The following RNF10 variants were observed in gnomAD, a reference collection of about 807,000 sequenced individuals.
The protein encoded by RNF10 is E3 ubiquitin-protein ligase RNF10.
Under a neutral mutation model 91.4 loss-of-function variants are expected in RNF10, and 38 were observed. The ratio of observed to expected loss-of-function variants is 0.42; its 90% CI spans 0.32 to 0.54. The LOEUF (loss-of-function observed/expected upper bound fraction) is 0.54. Among genes scored for constraint, RNF10 ranks in the 20% least tolerant of loss-of-function variants. The pLI, the probability that RNF10 is intolerant of heterozygous loss-of-function variation, is 0.16. For missense variants in RNF10, 945 were observed against 1,012.0 expected, an observed-to-expected ratio of 0.93 and a Z score of 0.90; for synonymous variants, 364 against 366.3, an observed-to-expected ratio of 0.99 and a Z score of 0.07.
intron 1 of RNF10, chr12:120,539,477 C>T (rs1050379252): frequency 8.0e-7 from 1 of 1,252,858 alleles, no homozygotes; most frequent in Non-Finnish European, 1.0e-6. Context: ...GGGTAAGCAA[C>T]TTGCTTGTGA....
At chr12:120,554,532 C>T in intron 3 of RNF10, 186 bp from the exon 4 acceptor site, 1 of 560,698 alleles carries the variant, frequency 1.8e-6, no homozygotes, top group Non-Finnish European at 3.2e-6. Context: ...CTTCTGCCTG[C>T]TGAGTCTTTG....
intron 1 of RNF10, among the ~76,000 whole-genome samples, chr12:120,538,107 G>C (rs1042066264): frequency 6.6e-6 from 1 of 152,170 alleles, no homozygotes; most frequent in Non-Finnish European, 1.5e-5. Context: ...ACTTGATTCT[G>C]CTGGGAATCA....
In RNF10 at chr12:120,562,935, G is replaced by GC. The variant is rs761116735; in HGVS notation, c.1129-8dup. On this transcript the variant is annotated splice_polypyrimidine_tract_variant and intron_variant, in intron 7 of 16. Transcript: ENST00000325954. ...TTAACCTTCTCTGGTGTTCTCTCTG[G>GC]CCACGTTAGACTCGGGAAGAGGCTC... 1.2e-6 allele frequency: 2 copies of GC among 1,613,734 alleles called. No individual in the cohort carries two copies. The highest frequency in any genetic ancestry group is 3.3e-5 in the Admixed American group (2 of 59,996).
At position 120,567,025 on chromosome 12, in the gene RNF10, A is replaced by G. The variant is rs926166023; in HGVS notation, c.2041+45A>G. 1.0e-5 allele frequency: 16 copies of G among 1,569,978 alleles called. No homozygotes were observed. The Admixed American group carries it at 1.6e-4, about 16-fold the overall frequency. ...TGAATTCACCCATCAGTTAGACCTT[A>G]TGCAAAGCTTTGGTGTCTGAGTTTA... On this transcript the variant is annotated intron_variant, in intron 13 of 16. Transcript: ENST00000325954.
chr12:120,563,302 AAGC>A (rs1875177921), intron 8 of RNF10, 42 bp from the exon 9 acceptor site: 6 of 1,569,674 alleles, frequency 3.8e-6, no homozygotes, highest in Non-Finnish European at 4.3e-6. Context: ...TGCTTTCGGA[AAGC>A]AGGAGATATC....
chr12:120,563,242 C>T, intron 8 of RNF10, 105 bp from the exon 9 acceptor site: 3 of 1,483,046 alleles, frequency 2.0e-6, no homozygotes, highest in South Asian at 2.5e-5. Flanking sequence ...AACACGACAG[C>T]TAAGATAAAC....
chr12:120,566,355 A>G (rs1875698543), intron 12 of RNF10, among the ~76,000 whole-genome samples: 2 of 152,244 alleles, frequency 1.3e-5, no homozygotes, highest in South Asian at 4.1e-4. Flanking sequence ...GGTTAACTAT[A>G]TTAAAGACAT....
chr12:120,551,919 A>T (rs1873150061), intron 2 of RNF10, among the ~76,000 whole-genome samples: 1 of 152,152 alleles, frequency 6.6e-6, no homozygotes, highest in Admixed American at 6.6e-5. Flanking sequence ...CTGTACAGGA[A>T]ACATGGCTGG....
chr12:120,569,538 C>CTTTTTTTTTTTTTTTTTTTTT (rs58304342), intron 13 of RNF10, among the ~76,000 whole-genome samples: 4 of 115,238 alleles, frequency 3.5e-5, no homozygotes, highest in Non-Finnish European at 6.9e-5. Flanking sequence ...TGATATGCAT[C>CTTTTTTTTTTTTTTTTTTTTT]TTTTTTTTTT....
At chr12:120,573,475 A>G (rs1876958162) in intron 14 of RNF10, among the ~76,000 whole-genome samples, 1 of 152,160 alleles carries the variant, frequency 6.6e-6, no homozygotes, top group South Asian at 2.1e-4. Context: ...GACATAGGTG[A>G]CATTTTGATT....
At chr12:120,562,573 C>T (rs914497088) in intron 7 of RNF10, among the ~76,000 whole-genome samples, 8 of 152,140 alleles carry the variant, frequency 5.3e-5, no homozygotes, top group South Asian at 4.2e-4. Context: ...CACACCTGGC[C>T]GTATGTGTCT....
chr12:120,568,568 C>T lies in RNF10; in HGVS notation c.2041+1588C>T, dbSNP rs1184426116. 8.6e-5 allele frequency among the ~76,000 whole-genome samples: 13 copies of T among 150,648 alleles called. No individual in the cohort carries two copies. The East Asian group carries it at 1.4e-3, about 16-fold the overall frequency. On this transcript the variant is annotated intron_variant, in intron 13 of 16. Transcript: ENST00000325954. ...TCAGCTAACTGCAACCTCTGCCTCCCGGGTTCAAGCGATTCTTCTGCCTCA... is the reference window on the plus strand; with the variant it reads ...TCAGCTAACTGCAACCTCTGCCTCCTGGGTTCAAGCGATTCTTCTGCCTCA...
intron 14 of RNF10, among the ~76,000 whole-genome samples, chr12:120,572,191 C>T (rs1409183547): frequency 1.3e-5 from 2 of 151,910 alleles, no homozygotes; most frequent in Non-Finnish European, 2.9e-5. Flanking sequence ...CTCAGCCTCC[C>T]GAGTAGCTGG....
chr12:120,576,570 C>T lies in RNF10; in HGVS notation c.2360-20C>T, dbSNP rs76740462. 6.2e-7 allele frequency: 1 copy of T among 1,611,542 alleles called. No individual in the cohort carries two copies. The highest frequency in any genetic ancestry group is 8.5e-7 in the Non-Finnish European group (1 of 1,179,092). Reference sequence around the variant, plus strand: ...GGGATGGCATTTTAAGTTAAGCTGTCTTTCTGTGTCTCCCTTTAGAAGAGA... The same window carrying T: ...GGGATGGCATTTTAAGTTAAGCTGTTTTTCTGTGTCTCCCTTTAGAAGAGA... On this transcript the variant is annotated intron_variant, in intron 16 of 16. Coordinates refer to ENST00000325954, the MANE Select transcript of RNF10 (RefSeq NM_014868.5).
chr12:120,537,393 G>A (rs755589433), intron 1 of RNF10, among the ~76,000 whole-genome samples: 4 of 152,162 alleles, frequency 2.6e-5, no homozygotes, highest in Non-Finnish European at 5.9e-5. Flanking sequence ...TTGGGAGGCC[G>A]AGGCAGGTGG....
At chr12:120,555,170 A>G (rs1428032458) in intron 4 of RNF10, among the ~76,000 whole-genome samples, 3 of 152,198 alleles carry the variant, frequency 2.0e-5, no homozygotes, top group Non-Finnish European at 4.4e-5. Flanking sequence ...AGGCACATGA[A>G]TGAGCCACAC....
In RNF10 at chr12:120,575,938, G is replaced by C. The variant is rs1254376040; in HGVS notation, c.2347G>C (p.Asp783His). The C allele has an allele frequency of 6.2e-7, 1 of 1,613,566 alleles. No homozygotes were observed. Among genetic ancestry groups the C allele is most frequent in the African/African-American group, 1.3e-5 (1 of 74,878 alleles). The change falls in exon 16 of 17, where the codon GAT becomes CAT. Residue 783 changes from aspartate (D) to histidine (H), a missense_variant. By Grantham distance (81) the Asp-to-His change is moderately conservative. Transcript: ENST00000325954. ...GAAACTGGACACACCAGCTACTTCA[G>C]ATCCCCTCTCTGGTAAGGGCAGAGG... is the stretch of plus-strand genomic sequence containing the variant. Reference protein sequence around the residue: ...FMKLDTPATSDPLSEEKGGKK... With the variant: ...FMKLDTPATSHPLSEEKGGKK...
intron 12 of RNF10, among the ~76,000 whole-genome samples, chr12:120,565,916 A>G (rs1319902451): frequency 6.6e-6 from 1 of 152,214 alleles, no homozygotes; most frequent in Non-Finnish European, 1.5e-5. Flanking sequence ...GTCTGATAAG[A>G]TGGAAATTTT....
intron 2 of RNF10, among the ~76,000 whole-genome samples, chr12:120,552,181 G>T (rs1182271309): frequency 6.6e-6 from 1 of 151,746 alleles, no homozygotes; most frequent in East Asian, 1.9e-4. Flanking sequence ...GATCACCTGA[G>T]GTCAAGAGTT....
Sources: gnomAD v4.1 joint callset for allele counts (sites outside exome capture counted in the v4.1 genomes callset) on GRCh38, gnomAD v4.1.1 for gene constraint, MANE v1.5 for transcripts, NCBI Gene and HGNC (gene_info 2026-07-23, HGNC 2026-07-21) for gene names.